The following WNK3 variants were observed in gnomAD, a reference collection of about 807,000 sequenced individuals.
WNK3 encodes the protein serine/threonine-protein kinase WNK3.
Under a neutral mutation model 116.7 loss-of-function variants are expected in WNK3, and 18 were observed. The observed-to-expected ratio is 0.15, with a 90% CI of 0.11 to 0.23. The LOEUF (loss-of-function observed/expected upper bound fraction) is 0.23, where lower values mean the gene tolerates loss of function less well. Ranked by LOEUF, WNK3 falls within the 10% of genes least tolerant of loss-of-function variation. WNK3 has a pLI of 1.00. For synonymous variants in WNK3, 404 were observed against 469.4 expected, an observed-to-expected ratio of 0.86 and a Z score of 1.80; for missense variants, 993 against 1,323.8, an observed-to-expected ratio of 0.75 and a Z score of 3.88.
chrX:54,256,295 A>C (rs1317015884), intron 11 of WNK3, among the ~76,000 whole-genome samples: 2 of 111,997 alleles, frequency 1.8e-5, no homozygotes, highest in African/African-American at 3.2e-5. Context: ...CTTCAAACAA[A>C]ACTTCTAAAA....
chrX:54,275,412 C>CGTGT (rs1569537519), intron 10 of WNK3, among the ~76,000 whole-genome samples: 46 of 44,441 alleles, frequency 1.0e-3, no homozygotes, highest in African/African-American at 3.8e-3. Context: ...GGTATAAGTT[C>CGTGT]ATATGTGTGT....
chrX:54,276,804 T>G (rs1557161066), intron 10 of WNK3, among the ~76,000 whole-genome samples: 2 of 107,158 alleles, frequency 1.9e-5, no homozygotes, highest in African/African-American at 6.8e-5. Flanking sequence ...AACCTCCACC[T>G]CCCAGGTTCA....
At chrX:54,265,347 C>T (rs1188085601) in intron 10 of WNK3, among the ~76,000 whole-genome samples, 1 of 110,685 alleles carries the variant, frequency 9.0e-6, no homozygotes, top group East Asian at 2.8e-4. Flanking sequence ...ATTAGCCGGG[C>T]GTGGTGGCAT....
At chrX:54,202,032 G>T in exon 23 of WNK3, 1 of 1,211,287 alleles carries the variant, frequency 8.3e-7, no homozygotes, top group Non-Finnish European at 1.1e-6. Context: ...AGTTTGTGTT[G>T]ACTTTGTTTA....
rs782621895 is a variant in WNK3, at chrX:54,238,394, G to A, written c.3962C>T (p.Ala1321Val). The A allele has an allele frequency of 1.2e-5, 14 of 1,211,235 alleles. No homozygotes were observed. In the Middle Eastern group the frequency reaches 2.8e-3, roughly 239 times the overall value. Residue 1321 changes from alanine to valine, a missense_variant, in exon 19 of 24, where the codon GCT becomes GTT. Physicochemically the swap from Ala to Val is moderately conservative, Grantham distance 64. Around this residue, in one of 4 missense-constraint regions of WNK3, gnomAD observed 836 missense variants for 976.5 expected, o/e 0.86. Transcript: ENST00000354646. ...ACTCATCGCTTTACATCTATTCAAA[G>A]CCCTAGTATCAGCTGTGGACTCCCG...
intron 20 of WNK3, among the ~76,000 whole-genome samples, chrX:54,233,947 C>A (rs2067933773): frequency 9.1e-6 from 1 of 110,370 alleles, no homozygotes; most frequent in Non-Finnish European, 1.9e-5. Context: ...CCACTGCACT[C>A]CAGCCTGGGT....
chrX:54,224,351 TAA>T (rs781959334), intron 22 of WNK3, among the ~76,000 whole-genome samples: 14 of 81,373 alleles, frequency 1.7e-4, no homozygotes, highest in Admixed American at 4.2e-4. Context: ...AAACTCCATC[TAA>T]AAAAAAAAAA....
exon 24 of WNK3, chrX:54,195,678 C>A (rs1266300194): frequency 1.8e-5 from 2 of 111,656 alleles, no homozygotes; most frequent in African/African-American, 6.5e-5. Context: ...TAAATGTACA[C>A]ATGTTATATA....
chrX:54,229,087 T>G (rs1053289000), intron 21 of WNK3, among the ~76,000 whole-genome samples: 55 of 111,807 alleles, frequency 4.9e-4, no homozygotes, highest in African/African-American at 1.7e-3. Context: ...CAAATATGTT[T>G]AGCAAAATCT....
At chrX:54,309,389 T>C (rs1243928183) in intron 3 of WNK3, 74 bp from the exon 4 acceptor site, 3 of 793,817 alleles carry the variant, frequency 3.8e-6, no homozygotes, top group East Asian at 3.4e-5. Context: ...TAAGGTAAGT[T>C]ACATAAGCAA....
Position 54,262,593 on chromosome X carries a change from C to T in WNK3, c.2038-3255G>A, listed in dbSNP as rs189832686. On this transcript the variant is annotated intron_variant, in intron 10 of 23. Coordinates refer to ENST00000354646, the Ensembl canonical transcript of WNK3. ...AACCTAGTGTGTAGCAGGCACTGTG[C>T]TAAGAGGCAGTGAGGATACAAAATG... 4.2e-3 allele frequency among the ~76,000 whole-genome samples: 465 copies of T among 110,743 alleles called. 2 individuals carry two copies. The highest frequency in any genetic ancestry group is 9.3e-3 in the Middle Eastern group (2 of 215).
chrX:54,236,799 C>G (rs1471129549), intron 20 of WNK3, 139 bp downstream of exon 20: 2 of 740,051 alleles, frequency 2.7e-6, no homozygotes, highest in African/African-American at 4.3e-5. Flanking sequence ...TTTTCTCATT[C>G]ATAAATGTTT....
chrX:54,284,673 C>T (rs1309572340), intron 10 of WNK3, among the ~76,000 whole-genome samples: 1 of 111,914 alleles, frequency 8.9e-6, no homozygotes, highest in Non-Finnish European at 1.9e-5. Context: ...TCTGCAGTTA[C>T]AAAAAAGAAT....
chrX:54,289,735 A>G (rs781834000), intron 10 of WNK3, among the ~76,000 whole-genome samples: 1 of 110,955 alleles, frequency 9.0e-6, no homozygotes, highest in African/African-American at 3.3e-5. Flanking sequence ...ATGCCCCCCA[A>G]TGGAATTAGA....
chrX:54,210,675 A>G, intron 22 of WNK3, among the ~76,000 whole-genome samples: 1 of 111,707 alleles, frequency 9.0e-6, no homozygotes, highest in Middle Eastern at 4.6e-3. Context: ...ACCCATCTAA[A>G]TATTTTAATA....
At chrX:54,282,336 C>T (rs2147071360) in intron 10 of WNK3, among the ~76,000 whole-genome samples, 1 of 111,118 alleles carries the variant, frequency 9.0e-6, no homozygotes, top group Non-Finnish European at 1.9e-5. Context: ...TGAGCCACTG[C>T]ACCTAGCCTC....
chrX:54,202,474 C>T (rs924090717), intron 22 of WNK3, among the ~76,000 whole-genome samples: 5 of 110,404 alleles, frequency 4.5e-5, no homozygotes, highest in East Asian at 2.8e-4. Flanking sequence ...GGGTGGATCA[C>T]GAGGTCAGGA....
At chrX:54,305,921 G>A (rs1245808138) in intron 5 of WNK3, among the ~76,000 whole-genome samples, 1 of 110,320 alleles carries the variant, frequency 9.1e-6, no homozygotes, top group Non-Finnish European at 1.9e-5. Flanking sequence ...CGGGCATGGT[G>A]GTGCACGCCT....
At chrX:54,207,509 CTTTTT>C (rs782017192) in intron 22 of WNK3, among the ~76,000 whole-genome samples, 2 of 84,305 alleles carry the variant, frequency 2.4e-5, no homozygotes, top group Non-Finnish European at 4.7e-5. Context: ...GCCCATTTAT[CTTTTT>C]TTTTTTTTTT....
Sources: gnomAD v4.1 joint callset for allele counts (sites outside exome capture counted in the v4.1 genomes callset) on GRCh38, gnomAD v4.1.1 for gene constraint, gnomAD v4.1.1 regional missense constraint, MANE v1.5 for transcripts, NCBI Gene and HGNC (gene_info 2026-07-23, HGNC 2026-07-21) for gene names.